The following DGKI variants were observed in gnomAD, a reference collection of about 807,000 sequenced individuals.
DGKI encodes diacylglycerol kinase iota.
DGKI carries 55 observed loss-of-function variants against 147.5 expected under a neutral mutation model. The observed-to-expected ratio is 0.37, with a 90% CI of 0.30 to 0.47. DGKI has a LOEUF of 0.47. Ranked by LOEUF, DGKI falls within the 20% of genes least tolerant of loss-of-function variation. The pLI is 1.00. For synonymous variants in DGKI, 469 were observed against 477.1 expected (o/e 0.98, Z 0.22); for missense variants, 1,007 against 1,323.8 (o/e 0.76, Z 3.71).
At chr7:137,559,106 C>T (rs546450907) in intron 19 of DGKI, among the ~76,000 whole-genome samples, 1 of 102,130 alleles carries the variant, frequency 9.8e-6, no homozygotes, top group South Asian at 4.2e-4. Flanking sequence ...GAGTCTCGCT[C>T]TGTCGCCCAG....
chr7:137,449,386 G>T (rs565591555), intron 27 of DGKI, among the ~76,000 whole-genome samples: 2 of 152,280 alleles, frequency 1.3e-5, no homozygotes, highest in Admixed American at 6.5e-5. Flanking sequence ...ACATAATAAG[G>T]AAAGGACAGT....
chr7:137,557,113 G>A (rs988488230), intron 19 of DGKI, among the ~76,000 whole-genome samples: 4 of 152,060 alleles, frequency 2.6e-5, no homozygotes, highest in Admixed American at 2.6e-4. Flanking sequence ...TGCAAATTGG[G>A]ACTTGCCAGC....
At chr7:137,628,485 A>T (rs1821020047) in intron 6 of DGKI, among the ~76,000 whole-genome samples, 1 of 152,216 alleles carries the variant, frequency 6.6e-6, no homozygotes, top group South Asian at 2.1e-4. Context: ...TGCTATAGGA[A>T]GACTCTGGCC....
At chr7:137,550,423 A>G (rs1417890318) in intron 20 of DGKI, among the ~76,000 whole-genome samples, 2 of 152,120 alleles carry the variant, frequency 1.3e-5, no homozygotes, top group African/African-American at 4.8e-5. Context: ...TGATCTGGCC[A>G]TCTTGGCCTC....
chr7:137,526,399 C>A, intron 20 of DGKI, among the ~76,000 whole-genome samples: 1 of 143,990 alleles, frequency 6.9e-6, no homozygotes, highest in South Asian at 2.6e-4. Flanking sequence ...CTGTCGCCTT[C>A]TCACTAAGCC....
At chr7:137,564,634 G>T (rs987934702) in intron 19 of DGKI, among the ~76,000 whole-genome samples, 3 of 152,162 alleles carry the variant, frequency 2.0e-5, no homozygotes, top group Non-Finnish European at 1.5e-5. Context: ...GTTGTTGTTT[G>T]TAAGGACATA....
At chr7:137,509,877 T>C (rs990206624) in intron 21 of DGKI, among the ~76,000 whole-genome samples, 1 of 152,148 alleles carries the variant, frequency 6.6e-6, no homozygotes, top group African/African-American at 2.4e-5. Context: ...TCCTTTTCTT[T>C]TTCTCTTTCC....
chr7:137,529,567 C>T (rs761825841), intron 20 of DGKI, among the ~76,000 whole-genome samples: 1 of 152,184 alleles, frequency 6.6e-6, no homozygotes, highest in Non-Finnish European at 1.5e-5. Context: ...CCCTCAGTGG[C>T]ATTGCAGAGC....
chr7:137,424,356 C>T (rs549750873), intron 28 of DGKI, among the ~76,000 whole-genome samples: 1 of 152,152 alleles, frequency 6.6e-6, no homozygotes, highest in Non-Finnish European at 1.5e-5. Flanking sequence ...AAGACTAAAC[C>T]TTCATTCTTC....
At chr7:137,758,840 A>C (rs1243200282) in intron 1 of DGKI, among the ~76,000 whole-genome samples, 1 of 152,168 alleles carries the variant, frequency 6.6e-6, no homozygotes, top group African/African-American at 2.4e-5. Flanking sequence ...ACTCAAACCT[A>C]AAGCACCATT....
At chr7:137,434,160 C>G (rs571577258) in intron 28 of DGKI, among the ~76,000 whole-genome samples, 4 of 151,490 alleles carry the variant, frequency 2.6e-5, no homozygotes, top group African/African-American at 9.7e-5. Flanking sequence ...GACACCAGCT[C>G]TCTTCCTTTT....
rs972154358 is a variant in DGKI at position 137,383,708 on chromosome 7, A to G, written c.*7512T>C. ...TGTTTAGGAAAAATAAATCCTTATA[A>G]GTAATAAAGCTAACTCCTTTTCATG... On this transcript the variant is annotated 3_prime_UTR_variant, in exon 33 of 33. Transcript: ENST00000614521. 1 of 152,012 alleles carries G rather than the reference A, an allele frequency of 6.6e-6. No homozygotes were observed. Among genetic ancestry groups the G allele is most frequent in the Non-Finnish European group, 1.5e-5 (1 of 67,930 alleles). The allele number at this position is 152,012 out of a possible 1,614,324, so 9.4% of individuals were successfully genotyped here.
At chr7:137,790,294 C>G (rs1034522654) in intron 1 of DGKI, among the ~76,000 whole-genome samples, 11 of 151,354 alleles carry the variant, frequency 7.3e-5, no homozygotes, top group Non-Finnish European at 1.6e-4. Context: ...TTCGCCCAGG[C>G]CTATGACAGT....
intron 30 of DGKI, among the ~76,000 whole-genome samples, chr7:137,406,929 G>GTAAAAA (rs74282866): frequency 2.2e-4 from 1 of 4,646 alleles, no homozygotes; most frequent in Non-Finnish European, 4.6e-4. Flanking sequence ...TTGCTGAATT[G>GTAAAAA]CAAAAAAAAA....
chr7:137,717,062 A>G (rs563488787), intron 1 of DGKI, among the ~76,000 whole-genome samples: 74 of 152,224 alleles, frequency 4.9e-4, no homozygotes, highest in African/African-American at 1.8e-3. Context: ...GACCCTTCTG[A>G]TTGGATTACA....
rs913398517 is a variant in DGKI, at chr7:137,690,961, C to G, written c.402-959G>C. Among the ~76,000 whole-genome samples, 10 of 152,138 alleles carry G rather than the reference C, an allele frequency of 6.6e-5. No individual in the cohort carries two copies. In the East Asian group the frequency reaches 1.9e-3, roughly 29 times the overall value. ...AAAAATGTCTCACAAGGGTCTAGAG[C>G]TTAAACATGAGCGCTGATTTGTGAT... is the stretch of plus-strand genomic sequence containing the variant. On this transcript the variant is annotated intron_variant, in intron 1 of 32. Transcript: ENST00000614521.
intron 3 of DGKI, among the ~76,000 whole-genome samples, chr7:137,674,568 A>G (rs990678113): frequency 2.0e-5 from 3 of 152,154 alleles, no homozygotes; most frequent in African/African-American, 7.2e-5. Context: ...ATGCTTCCTA[A>G]GCCCACCAGT....
chr7:137,701,184 A>C (rs982293821), intron 1 of DGKI, among the ~76,000 whole-genome samples: 1 of 152,136 alleles, frequency 6.6e-6, no homozygotes, highest in Non-Finnish European at 1.5e-5. Flanking sequence ...TGAGGAAAAA[A>C]AAAGTCCTCA....
At chr7:137,589,197 T>A (rs1819523876) in intron 12 of DGKI, among the ~76,000 whole-genome samples, 1 of 152,240 alleles carries the variant, frequency 6.6e-6, no homozygotes, top group African/African-American at 2.4e-5. Flanking sequence ...TGGAATTTTC[T>A]CAAGACCAAA....
Sources: allele counts gnomAD v4.1 joint callset (sites outside exome capture counted in the v4.1 genomes callset), GRCh38; gene constraint gnomAD v4.1.1; transcripts MANE v1.5; gene names NCBI Gene and HGNC (gene_info 2026-07-23, HGNC 2026-07-21).